The following ARHGAP6 variants were observed in gnomAD, a reference collection of about 807,000 sequenced individuals.
ARHGAP6 encodes the protein rho GTPase-activating protein 6.
A neutral mutation model predicts 55.7 loss-of-function variants in ARHGAP6; 16 were observed. That is an observed-to-expected ratio of 0.29 (90% confidence interval 0.19 to 0.44). The LOEUF (loss-of-function observed/expected upper bound fraction) is 0.44. Among genes scored for constraint, ARHGAP6 ranks in the 20% least tolerant of loss-of-function variants. The probability of loss-of-function intolerance (pLI) is 1.00; values close to 1 mark genes in which losing one functional copy is unlikely to be tolerated. For synonymous variants in ARHGAP6, 382 were observed against 360.9 expected (o/e 1.06, Z -0.66); for missense variants, 698 against 808.9 (o/e 0.86, Z 1.66).
At chrX:11,172,986 C>G (rs1200584272) in intron 8 of ARHGAP6, among the ~76,000 whole-genome samples, 1 of 111,749 alleles carries the variant, frequency 8.9e-6, no homozygotes, top group Non-Finnish European at 1.9e-5. Context: ...AGGCTAGGGG[C>G]TTTCCACTGG....
chrX:11,500,249 A>G (rs112298085), intron 1 of ARHGAP6, among the ~76,000 whole-genome samples: 9,919 of 111,190 alleles, frequency 0.089, 516 homozygotes, highest in East Asian at 0.18. Context: ...TGCTTCATCC[A>G]TGGGGGTTCC....
At chrX:11,291,191 G>C (rs2047986027) in intron 1 of ARHGAP6, among the ~76,000 whole-genome samples, 1 of 112,237 alleles carries the variant, frequency 8.9e-6, no homozygotes, top group Admixed American at 9.4e-5. Flanking sequence ...AGCTGTGTAA[G>C]TGGGGCCTAA....
chrX:11,323,319 T>C (rs1019539782), intron 1 of ARHGAP6, among the ~76,000 whole-genome samples: 1 of 112,171 alleles, frequency 8.9e-6, no homozygotes, highest in African/African-American at 3.2e-5. Context: ...TACACCAAAA[T>C]AAATTCTTAC....
rs932475601 is a variant in ARHGAP6, at chrX:11,139,481, G to A, written c.2307C>T (p.Cys769=). ...GGGACAGGTTCCCTTGAGAAAGGGA[G>A]CAGGGCCCCGCTCTTAGGGAGCTGC... ...FESSSLRAGP[C]SLSQGNLSPN... is the part of the protein sequence containing the mutation. The change falls in exon 13 of 13, where the codon TGC becomes TGT. Residue 769 remains cysteine (C), a synonymous_variant. Coordinates refer to ENST00000337414, the MANE Select transcript of ARHGAP6 (RefSeq NM_013427.3). 3 of 1,164,214 alleles carry A rather than the reference G, an allele frequency of 2.6e-6. No individual in the cohort carries two copies. The highest frequency in any genetic ancestry group is 3.4e-6 in the Non-Finnish European group (3 of 875,584).
intron 1 of ARHGAP6, among the ~76,000 whole-genome samples, chrX:11,323,881 A>G (rs758413727): frequency 6.1e-4 from 66 of 108,283 alleles, no homozygotes; most frequent in East Asian, 6.0e-3. Flanking sequence ...AAAAAAAAAA[A>G]AAAAAAGAAA....
At chrX:11,297,308 A>G (rs943049888) in intron 1 of ARHGAP6, among the ~76,000 whole-genome samples, 2 of 112,071 alleles carry the variant, frequency 1.8e-5, no homozygotes, top group African/African-American at 3.2e-5. Context: ...AGCGGAATGC[A>G]TGAGTTTTGG....
chrX:11,345,166 C>T (rs1045622267), intron 1 of ARHGAP6, among the ~76,000 whole-genome samples: 2 of 111,894 alleles, frequency 1.8e-5, no homozygotes, highest in Admixed American at 9.5e-5. Flanking sequence ...ATTCAGTCTT[C>T]GATGGGCAGA....
chrX:11,272,831 T>G (rs1317201537), intron 1 of ARHGAP6, among the ~76,000 whole-genome samples: 1 of 112,112 alleles, frequency 8.9e-6, no homozygotes, highest in Non-Finnish European at 1.9e-5. Flanking sequence ...TTTCATCTTA[T>G]CTGTTCATTT....
chrX:11,479,367 T>C (rs1415892582), intron 1 of ARHGAP6, among the ~76,000 whole-genome samples: 1 of 112,420 alleles, frequency 8.9e-6, no homozygotes, highest in East Asian at 2.8e-4. Context: ...AGAGATTTAA[T>C]GTTGGAGACA....
intron 1 of ARHGAP6, among the ~76,000 whole-genome samples, chrX:11,586,624 C>CT (rs1272174967): frequency 9.0e-6 from 1 of 111,462 alleles, no homozygotes; most frequent in Non-Finnish European, 1.9e-5. Context: ...CAGTTTTGTT[C>CT]TTTTTGCTTA....
At chrX:11,656,645 G>A (rs899962062) in intron 1 of ARHGAP6, among the ~76,000 whole-genome samples, 3 of 110,393 alleles carry the variant, frequency 2.7e-5, no homozygotes, top group African/African-American at 6.6e-5. Flanking sequence ...CCTCCTTTCC[G>A]CTCTCCCTCT....
chrX:11,331,225 CAAG>C (rs2048559286), intron 1 of ARHGAP6, among the ~76,000 whole-genome samples: 1 of 111,928 alleles, frequency 8.9e-6, no homozygotes, highest in African/African-American at 3.2e-5. Context: ...TCTCTCACAT[CAAG>C]AAGGAAGAAA....
At chrX:11,475,706 T>C (rs2050397189) in intron 1 of ARHGAP6, among the ~76,000 whole-genome samples, 2 of 108,219 alleles carry the variant, frequency 1.8e-5, no homozygotes, top group South Asian at 8.0e-4. Flanking sequence ...TAGGAAAACA[T>C]TTCCTAGAAT....
At chrX:11,153,017 CT>C (rs2045806847) in intron 10 of ARHGAP6, among the ~76,000 whole-genome samples, 1 of 111,675 alleles carries the variant, frequency 9.0e-6, no homozygotes, top group African/African-American at 3.3e-5. Flanking sequence ...GCATTCTACC[CT>C]TGGAGGCCTC....
chrX:11,571,739 T>TAATAATAATAATAA (rs1569402859), intron 1 of ARHGAP6, among the ~76,000 whole-genome samples: 1 of 107,200 alleles, frequency 9.3e-6, no homozygotes, highest in Admixed American at 1.0e-4. Flanking sequence ...ATAATAATAA[T>TAATAATAATAATAA]TAGCTGAGTA....
intron 1 of ARHGAP6, among the ~76,000 whole-genome samples, chrX:11,352,634 G>A (rs1051132729): frequency 2.7e-5 from 3 of 111,409 alleles, no homozygotes; most frequent in South Asian, 3.8e-4. Flanking sequence ...GAGAGATTTC[G>A]GCACATCTGA....
intron 2 of ARHGAP6, among the ~76,000 whole-genome samples, chrX:11,210,241 C>T (rs2046772821): frequency 8.9e-6 from 1 of 112,761 alleles, no homozygotes; most frequent in Non-Finnish European, 1.9e-5. Flanking sequence ...CATACCTCTT[C>T]ACTGCCTGCC....
At chrX:11,596,397 G>C (rs916992647) in intron 1 of ARHGAP6, among the ~76,000 whole-genome samples, 2 of 110,994 alleles carry the variant, frequency 1.8e-5, no homozygotes, top group African/African-American at 6.6e-5. Context: ...ATAGGGAGGG[G>C]AACATCACAC....
chrX:11,335,587 T>C, intron 1 of ARHGAP6: 1 of 207,647 alleles, frequency 4.8e-6, no homozygotes, highest in South Asian at 7.5e-5. Context: ...TCCCATGGTG[T>C]ATATGTGCCA....
Sources: gnomAD v4.1 joint callset for allele counts (sites outside exome capture counted in the v4.1 genomes callset) on GRCh38, gnomAD v4.1.1 for gene constraint, MANE v1.5 for transcripts, NCBI Gene and HGNC (gene_info 2026-07-23, HGNC 2026-07-21) for gene names.